ATPSCKMT: variants seen among roughly 807,000 people sequenced by gnomAD.
ATPSCKMT encodes ATP synthase subunit C lysine N-methyltransferase.
Under a neutral mutation model 24.3 loss-of-function variants are expected in ATPSCKMT, and 24 were observed. That is an observed-to-expected ratio of 0.99 (90% CI 0.71 to 1.39). The LOEUF (loss-of-function observed/expected upper bound fraction) is 1.39, where lower values mean the gene tolerates loss of function less well. Ranked by LOEUF, ATPSCKMT falls within the 40% of genes most tolerant of loss-of-function variation. ATPSCKMT has a pLI of 0.00. For synonymous variants in ATPSCKMT, 95 were observed against 110.5 expected (o/e 0.86, Z 0.88); for missense variants, 311 against 298.4 (o/e 1.04, Z -0.31).
chr5:10,237,108 G>A, intron 2 of ATPSCKMT: 1 of 1,030,954 alleles, frequency 9.7e-7, no homozygotes, highest in Non-Finnish European at 1.3e-6. Context: ...ACTCAAAACT[G>A]AAAACAGGTA....
chr5:10,231,635 G>A (rs769514634), intron 4 of ATPSCKMT, among the ~76,000 whole-genome samples: 1 of 141,782 alleles, frequency 7.1e-6, no homozygotes, highest in Admixed American at 7.0e-5. Context: ...GCCCCACCCC[G>A]CCCTTGCTTT....
chr5:10,245,302 C>A (rs1459780949), intron 1 of ATPSCKMT, among the ~76,000 whole-genome samples: 2 of 152,020 alleles, frequency 1.3e-5, no homozygotes, highest in East Asian at 3.9e-4. Context: ...CGCCTGTAGT[C>A]CCAGCTACTT....
chr5:10,230,728 C>G (rs1315718807), intron 4 of ATPSCKMT, among the ~76,000 whole-genome samples: 1 of 152,146 alleles, frequency 6.6e-6, no homozygotes, highest in African/African-American at 2.4e-5. Context: ...CTGCCACACA[C>G]ACACATCCCG....
intron 4 of ATPSCKMT, among the ~76,000 whole-genome samples, chr5:10,233,009 G>A (rs965126404): frequency 3.3e-5 from 5 of 152,210 alleles, no homozygotes; most frequent in African/African-American, 1.2e-4. Context: ...ACATACTTGT[G>A]TGGAAATGCT....
At chr5:10,238,727 A>G (rs1264477082) in intron 2 of ATPSCKMT, among the ~76,000 whole-genome samples, 3 of 152,204 alleles carry the variant, frequency 2.0e-5, no homozygotes, top group African/African-American at 7.2e-5. Flanking sequence ...TATGGGGCAA[A>G]AATGTAAAGG....
intron 4 of ATPSCKMT, among the ~76,000 whole-genome samples, chr5:10,231,606 T>C (rs1287915307): frequency 1.3e-5 from 2 of 151,998 alleles, no homozygotes; most frequent in African/African-American, 4.8e-5. Context: ...GAGGTCACCT[T>C]TGCAGGGATC....
chr5:10,241,806 C>A (rs1013291901), intron 1 of ATPSCKMT, among the ~76,000 whole-genome samples: 1 of 152,142 alleles, frequency 6.6e-6, no homozygotes, highest in African/African-American at 2.4e-5. Flanking sequence ...AAGCAAGTTA[C>A]ACAAATATTT....
rs1441740826 is a variant in ATPSCKMT at position 10,226,547 on chromosome 5, T to TAAATCAA, written c.*893_*894insTTGATTT. Reference sequence around the variant, plus strand: ...GGTTTTCCTTAATTCGTCTTTTATCTAAATCAGTCAAGTCTCTTCTCATAA... The same window carrying TAAATCAA: ...GGTTTTCCTTAATTCGTCTTTTATCTAAATCAAAAATCAGTCAAGTCTCTTCTCATAA... On this transcript the variant is annotated 3_prime_UTR_variant, in exon 5 of 5. Transcript: ENST00000511437. 3 of 152,372 alleles carry TAAATCAA rather than the reference T, an allele frequency of 2.0e-5. No homozygotes were observed. In the South Asian group the frequency reaches 6.2e-4, roughly 32 times the overall value. 9.4% of individuals were successfully genotyped at this position (152,372 alleles called of 1,614,324 possible).
At chr5:10,244,590 T>G (rs570044655) in intron 1 of ATPSCKMT, 1 of 152,286 alleles carries the variant, frequency 6.6e-6, no homozygotes, top group South Asian at 2.1e-4. Context: ...TATGCCTCTG[T>G]TTGCTCAAGT....
chr5:10,241,451 C>T (rs1166064720), intron 1 of ATPSCKMT, among the ~76,000 whole-genome samples: 1 of 152,220 alleles, frequency 6.6e-6, no homozygotes, highest in East Asian at 1.9e-4. Context: ...AGCAGTGGGT[C>T]ACCCTCAGGG....
rs144101567 is a variant in ATPSCKMT at position 10,245,695 on chromosome 5, C to T, written c.16+4163G>A. Among the ~76,000 whole-genome samples, 585 of 148,702 alleles carry T rather than the reference C, an allele frequency of 3.9e-3. 4 individuals are homozygous for T. The highest frequency in any genetic ancestry group is 0.014 in the African/African-American group (546 of 40,232). On this transcript the variant is annotated intron_variant, in intron 1 of 4. Transcript: ENST00000511437. ...CTGGCAAGTGGAGGTTGCAGTGAGC[C>T]GAGATCACACCACTGTACTCCAACC...
At chr5:10,228,690 A>ATT (rs530268153) in intron 4 of ATPSCKMT, among the ~76,000 whole-genome samples, 5,318 of 147,996 alleles carry the variant, frequency 0.036, 110 homozygotes, top group Middle Eastern at 0.049. Flanking sequence ...GGTTCAAATA[A>ATT]TTTTTTTTTT....
chr5:10,233,299 G>A (rs965078314), intron 4 of ATPSCKMT, among the ~76,000 whole-genome samples: 2 of 151,990 alleles, frequency 1.3e-5, no homozygotes, highest in Non-Finnish European at 2.9e-5. Flanking sequence ...GATGAAGGCT[G>A]AAAGTAGGGG....
At chr5:10,236,133 A>C (rs999579162) in intron 3 of ATPSCKMT, 3 of 193,656 alleles carry the variant, frequency 1.5e-5, no homozygotes, top group Non-Finnish European at 3.2e-5. Flanking sequence ...ACACACTCAC[A>C]CAGGCACACA....
At chr5:10,231,751 T>C (rs1744149154) in intron 4 of ATPSCKMT, among the ~76,000 whole-genome samples, 1 of 152,148 alleles carries the variant, frequency 6.6e-6, no homozygotes, top group African/African-American at 2.4e-5. Flanking sequence ...GGGGCAGGTG[T>C]GTTTTCTCTT....
chr5:10,231,006 CACT>C (rs10611980), intron 4 of ATPSCKMT, among the ~76,000 whole-genome samples: 65,786 of 151,680 alleles, frequency 0.43, 15,119 homozygotes, highest in Non-Finnish European at 0.51. Flanking sequence ...TCTCACCCAC[CACT>C]GCCAGCCTGA....
chr5:10,249,516 A>C lies in ATPSCKMT; in HGVS notation c.16+342T>G, dbSNP rs1236220853. 9.1e-6 allele frequency: 3 copies of C among 330,380 alleles called. No homozygotes were observed. In the East Asian group the frequency reaches 1.4e-4, roughly 15 times the overall value. 20.5% of individuals were successfully genotyped at this position (330,380 alleles called of 1,614,324 possible). A position where few individuals can be genotyped will look rare whatever the true frequency, so the allele number is the denominator to read the frequency against. On this transcript the variant is annotated intron_variant, in intron 1 of 4. Transcript: ENST00000511437. ...GACAAAGAAGTTAAGGGATTTCCTC[A>C]AAGCCACAGCTAGGAAGAGCGGCAG...
intron 1 of ATPSCKMT, among the ~76,000 whole-genome samples, chr5:10,240,013 TCA>T (rs1744554681): frequency 6.7e-6 from 1 of 149,396 alleles, no homozygotes; most frequent in Non-Finnish European, 1.5e-5. Context: ...GATCACGAGG[TCA>T]GGACATCGAG....
chr5:10,246,065 C>T (rs943542637), intron 1 of ATPSCKMT, among the ~76,000 whole-genome samples: 2 of 152,110 alleles, frequency 1.3e-5, no homozygotes, highest in African/African-American at 2.4e-5. Flanking sequence ...TATCCTTTAG[C>T]TATCACCCCC....
Sources: allele counts gnomAD v4.1 joint callset (sites outside exome capture counted in the v4.1 genomes callset), GRCh38; gene constraint gnomAD v4.1.1; transcripts MANE v1.5; gene names NCBI Gene and HGNC (gene_info 2026-07-23, HGNC 2026-07-21).